ATP6V1B1: variants seen among roughly 807,000 people sequenced by gnomAD.
ATP6V1B1 encodes V-type proton ATPase subunit B, kidney isoform.
Under a neutral mutation model 62.1 loss-of-function variants are expected in ATP6V1B1, and 41 were observed. That is an observed-to-expected ratio of 0.66 (90% confidence interval 0.51 to 0.86). The LOEUF (loss-of-function observed/expected upper bound fraction) is 0.86, where lower values mean the gene tolerates loss of function less well. Ranked by LOEUF, ATP6V1B1 falls within the 40% of genes least tolerant of loss-of-function variation. The pLI is 0.00. For synonymous variants in ATP6V1B1, 253 were observed against 273.4 expected (o/e 0.93, Z 0.74); for missense variants, 651 against 697.5 (o/e 0.93, Z 0.75).
intron 1 of ATP6V1B1, chr2:70,941,473 T>TTGACC (rs1553416397): frequency 1.0e-6 from 1 of 983,252 alleles, no homozygotes; most frequent in Non-Finnish European, 1.2e-6. Context: ...AAGGCTCAGC[T>TTGACC]CAAACGGCCC....
intron 7 of ATP6V1B1, 147 bp from the exon 8 acceptor site, chr2:70,961,449 C>T (rs375201124): frequency 3.0e-5 from 24 of 810,218 alleles, no homozygotes; most frequent in Admixed American, 6.0e-5. Flanking sequence ...TTTCCAGCCC[C>T]GGGGTCACCC....
At chr2:70,936,199 G>A in intron 1 of ATP6V1B1, 127 bp downstream of exon 1, 1 of 997,538 alleles carries the variant, frequency 1.0e-6, no homozygotes, top group Non-Finnish European at 1.5e-6. Flanking sequence ...GACCTGGAGG[G>A]CTCTCTGTCC....
Position 70,963,467 on chromosome 2 carries a change from C to A in ATP6V1B1, c.1061-105C>A. The A allele has an allele frequency of 6.6e-7, 1 of 1,524,188 alleles. No homozygotes were observed. The highest frequency in any genetic ancestry group is 9.1e-7 in the Non-Finnish European group (1 of 1,102,908). 94.4% of individuals were successfully genotyped at this position (1,524,188 alleles called of 1,614,324 possible). ...CCCTTTCCTCCACCATCCATGCCCC[C>A]CACACATCCCTATCACTCCCATGAG... On this transcript the variant is annotated intron_variant, in intron 10 of 13. Transcript: ENST00000234396. The surrounding 1 kb of genome is among the most constrained non-coding windows in gnomAD (Gnocchi z 4.3).
At position 70,936,001 on chromosome 2, in the gene ATP6V1B1, G is replaced by C. The variant is rs552163310; in HGVS notation, c.47G>C (p.Ser16Thr). 8 of 1,614,040 alleles carry C rather than the reference G, an allele frequency of 5.0e-6. No individual in the cohort carries two copies. In the South Asian group the frequency reaches 8.8e-5, roughly 18 times the overall value. Reference sequence around the variant, plus strand: ...AGGCCTGGGGGGCTCCCCGGCAGTAGCTGCAACCTAGGTGCAGCCCGAGAA... The same window carrying C: ...AGGCCTGGGGGGCTCCCCGGCAGTACCTGCAACCTAGGTGCAGCCCGAGAA... ...DSRPGGLPGS[S>T]CNLGAAREHM... Residue 16 changes from serine to threonine, a missense_variant, in exon 1 of 14, where the codon AGC becomes ACC. Coordinates refer to ENST00000234396, the MANE Select transcript of ATP6V1B1 (RefSeq NM_001692.4).
chr2:70,948,575 A>ACGTCC (rs376917856), intron 2 of ATP6V1B1: 28 of 153,998 alleles, frequency 1.8e-4, no homozygotes, highest in Middle Eastern at 1.5e-3. Context: ...ACGAGCCGGG[A>ACGTCC]CGTGTGTTCC....
rs1485796762 is a variant in ATP6V1B1 at position 70,959,340 on chromosome 2, T to G, written c.445+245T>G. On this transcript the variant is annotated intron_variant, in intron 5 of 13. Coordinates refer to ENST00000234396, the MANE Select transcript of ATP6V1B1 (RefSeq NM_001692.4). The surrounding 1 kb of genome is among the most constrained non-coding windows in gnomAD (Gnocchi z 4.2). ...CCGAAGGCCATCATGCCCCTGCCTT[T>G]GGCTTCCTGTCCACAATCCTGAGAA... 6.6e-6 allele frequency among the ~76,000 whole-genome samples: 1 copy of G among 152,232 alleles called. No homozygotes were observed. Among genetic ancestry groups the G allele is most frequent in the African/African-American group, 2.4e-5 (1 of 41,468 alleles).
At chr2:70,961,460 C>A (rs1680586264) in intron 7 of ATP6V1B1, 136 bp from the exon 8 acceptor site, 6 of 891,248 alleles carry the variant, frequency 6.7e-6, no homozygotes, top group African/African-American at 3.3e-5. Context: ...GGGGTCACCC[C>A]ATGGCCTTGG....
Position 70,963,618 on chromosome 2 carries a change from A to G in ATP6V1B1, c.1107A>G (p.Gly369=). ...ACTTGACGGGCTTCATCACAGAGGG[A>G]CAGATCTACGTGGACAGACAGCTTC... The part of the protein sequence containing the change: ...IPDLTGFITE[G]QIYVDRQLHN... Residue 369 remains glycine (G), a synonymous_variant, in exon 11 of 14, where the codon GGA becomes GGG. Transcript: ENST00000234396. The surrounding 1 kb of genome is among the most constrained non-coding windows in gnomAD (Gnocchi z 4.3). 1 of 1,614,200 alleles carries G rather than the reference A, an allele frequency of 6.2e-7. No individual in the cohort carries two copies. The highest frequency in any genetic ancestry group is 8.5e-7 in the Non-Finnish European group (1 of 1,180,038).
At chr2:70,961,070 A>G in intron 7 of ATP6V1B1, 48 bp downstream of exon 7, 1 of 1,535,296 alleles carries the variant, frequency 6.5e-7, no homozygotes, top group Non-Finnish European at 8.8e-7. Flanking sequence ...GTGAGCAGGC[A>G]GCCTGTCTCC....
Position 70,964,746 on chromosome 2 carries a change from A to T in ATP6V1B1, c.1259A>T (p.Tyr420Phe), listed in dbSNP as rs781896152. 1.9e-6 allele frequency: 3 copies of T among 1,613,902 alleles called. No individual in the cohort carries two copies. The Admixed American group carries it at 5.0e-5, about 27-fold the overall frequency. The change falls in exon 13 of 14, where the codon TAT (tyrosine) becomes TTT (phenylalanine). Residue 420 changes from tyrosine (Y) to phenylalanine (F), a missense_variant. Coordinates refer to ENST00000234396, the MANE Select transcript of ATP6V1B1 (RefSeq NM_001692.4). ...TTGCCCCTCCCCCAGTACGCCTGCT[A>T]TGCCATCGGGAAGGACGTGCAGGCC... ...GDVSNQLYACYAIGKDVQAMK... is the reference protein window; with the variant it reads ...GDVSNQLYACFAIGKDVQAMK...
intron 2 of ATP6V1B1, chr2:70,944,093 C>T: frequency 7.8e-7 from 1 of 1,286,956 alleles, no homozygotes; most frequent in South Asian, 1.4e-5. Flanking sequence ...GCTAGACTCT[C>T]CCCACCCTCG....
chr2:70,944,107 C>G, intron 2 of ATP6V1B1: 1 of 1,285,186 alleles, frequency 7.8e-7, no homozygotes, highest in African/African-American at 1.5e-5. Context: ...ACCCTCGACT[C>G]TCACAGGATC....
intron 4 of ATP6V1B1, 122 bp downstream of exon 4, chr2:70,958,548 T>C (rs1572919760): frequency 2.1e-6 from 2 of 965,146 alleles, no homozygotes; most frequent in African/African-American, 3.2e-5. Context: ...GTCTCTCTGG[T>C]GGGCTCTTTG....
rs781804904 is a variant in ATP6V1B1, at chr2:70,964,976, C to A, written c.1397C>A (p.Ser466Ter). ...TCCCTAGGCCCCTACGAGAACCGCT[C>A]GGTGTTCGAGTCGCTGGACCTGGGC... is the stretch of plus-strand genomic sequence containing the variant. ...FINQGPYENR[S>*]VFESLDLGWK... The change falls in exon 14 of 14, where the codon TCG becomes TAG. Residue 466 changes from serine (S) to a stop codon, truncating the protein, a stop_gained. Coordinates refer to ENST00000234396, the MANE Select transcript of ATP6V1B1 (RefSeq NM_001692.4). LOFTEE classifies it high-confidence loss of function. 1.9e-6 allele frequency: 3 copies of A among 1,613,848 alleles called. No individual in the cohort carries two copies. The highest frequency in any genetic ancestry group is 2.7e-5 in the African/African-American group (2 of 74,940).
In ATP6V1B1 at chr2:70,960,481, C is replaced by G. The variant is rs554453338; in HGVS notation, c.585+403C>G. Among the ~76,000 whole-genome samples the G allele has an allele frequency of 7.2e-5, 11 of 152,308 alleles. No individual in the cohort carries two copies. In the South Asian group the frequency reaches 2.3e-3, roughly 32 times the overall value. ...AGATGCTCCTCCAGCCACCCAGCAC[C>G]CTGATCACTCAAAATGGCCTGAGTG... is the stretch of plus-strand genomic sequence containing the variant. On this transcript the variant is annotated intron_variant, in intron 6 of 13. Coordinates refer to ENST00000234396, the MANE Select transcript of ATP6V1B1 (RefSeq NM_001692.4).
At chr2:70,941,528 C>A in intron 1 of ATP6V1B1, 1 of 915,962 alleles carries the variant, frequency 1.1e-6, no homozygotes, top group Non-Finnish European at 1.3e-6. Flanking sequence ...CTGGTCTTCC[C>A]TCCCACTCTC....
intron 1 of ATP6V1B1, chr2:70,943,283 C>T: frequency 2.3e-6 from 1 of 435,374 alleles, no homozygotes; most frequent in Non-Finnish European, 4.3e-6. Context: ...TCGGCCACAG[C>T]CGGGGGCCAG....
At chr2:70,951,709 C>A (rs1558674657) in intron 2 of ATP6V1B1, among the ~76,000 whole-genome samples, 2 of 151,954 alleles carry the variant, frequency 1.3e-5, no homozygotes, top group South Asian at 4.1e-4. Flanking sequence ...ACCAGCCTGA[C>A]CAACATGGAG....
At chr2:70,958,908 G>A (rs1680512244) in intron 4 of ATP6V1B1, 110 bp from the exon 5 acceptor site, 1 of 1,036,440 alleles carries the variant, frequency 9.6e-7, no homozygotes. Context: ...GGGGATACAG[G>A]GCACTCCTGT....
Sources: gnomAD v4.1 joint callset for allele counts (sites outside exome capture counted in the v4.1 genomes callset) on GRCh38, gnomAD v4.1.1 for gene constraint, Gnocchi (gnomAD v3.1) non-coding constraint, MANE v1.5 for transcripts, NCBI Gene and HGNC (gene_info 2026-07-23, HGNC 2026-07-21) for gene names.